The following NXPE2 variants were observed in gnomAD, a reference collection of about 807,000 sequenced individuals.
NXPE2 encodes the protein NXPE family member 2.
In NXPE2, 34 loss-of-function variants were observed where a neutral mutation model predicts 34.4. The observed-to-expected ratio is 0.99, with a 90% CI of 0.75 to 1.31. NXPE2 has a LOEUF of 1.31. Among genes scored for constraint, NXPE2 ranks in the 40% most tolerant of loss-of-function variants. The pLI is 0.00. For synonymous variants in NXPE2, 235 were observed against 231.3 expected, an observed-to-expected ratio of 1.02 and a Z score of -0.15; for missense variants, 649 against 672.5, an observed-to-expected ratio of 0.97 and a Z score of 0.39.
intron 2 of NXPE2, 87 bp from the exon 3 acceptor site, chr11:114,697,958 G>T: frequency 8.3e-7 from 1 of 1,202,668 alleles, no homozygotes; most frequent in Non-Finnish European, 1.1e-6. Context: ...CACACTGAAA[G>T]ATGTAAAATA....
chr11:114,607,720 C>A, the NXPE2 span, among the ~76,000 whole-genome samples: 1 of 151,974 alleles, frequency 6.6e-6, no homozygotes, highest in Non-Finnish European at 1.5e-5. Flanking sequence ...ATAATTGTTG[C>A]CTCGTGGGTA....
At chr11:114,469,374 A>G in the NXPE2 span, among the ~76,000 whole-genome samples, 1 of 150,920 alleles carries the variant, frequency 6.6e-6, no homozygotes, top group Non-Finnish European at 1.5e-5. Flanking sequence ...CAGCCTCCCA[A>G]AGTGCTAGGA....
chr11:114,795,637 C>T, the NXPE2 span, among the ~76,000 whole-genome samples: 1 of 152,216 alleles, frequency 6.6e-6, no homozygotes, highest in South Asian at 2.1e-4. Context: ...TTCATGTCCA[C>T]TCATCAGTTG....
At chr11:114,519,442 C>T in the NXPE2 span, among the ~76,000 whole-genome samples, 1 of 152,260 alleles carries the variant, frequency 6.6e-6, no homozygotes, top group South Asian at 2.1e-4. Flanking sequence ...AGAAGCAAAA[C>T]TTAGTCTCTT....
At chr11:114,747,557 A>C in the NXPE2 span, among the ~76,000 whole-genome samples, 8 of 152,302 alleles carry the variant, frequency 5.3e-5, no homozygotes, top group Non-Finnish European at 1.2e-4. Context: ...GCCTCAGGAA[A>C]CTTATAATCA....
chr11:114,601,251 C>A, the NXPE2 span, among the ~76,000 whole-genome samples: 1 of 150,198 alleles, frequency 6.7e-6, no homozygotes, highest in Non-Finnish European at 1.5e-5. Context: ...TCCCATGCTC[C>A]CTCTTTCTGA....
chr11:114,611,727 C>T, the NXPE2 span, among the ~76,000 whole-genome samples: 1 of 150,860 alleles, frequency 6.6e-6, no homozygotes, highest in Non-Finnish European at 1.5e-5. Context: ...TTGTGGGTCA[C>T]CATTGTTAGC....
chr11:114,611,366 A>G, the NXPE2 span, among the ~76,000 whole-genome samples: 1 of 151,556 alleles, frequency 6.6e-6, no homozygotes, highest in East Asian at 2.0e-4. Flanking sequence ...TACCCGGTGG[A>G]TAATAAGTGT....
At chr11:114,611,874 G>T in the NXPE2 span, among the ~76,000 whole-genome samples, 4 of 150,852 alleles carry the variant, frequency 2.7e-5, no homozygotes, top group East Asian at 2.0e-4. Context: ...TGGTGTATGA[G>T]AAATATTGCC....
the NXPE2 span, among the ~76,000 whole-genome samples, chr11:114,635,081 T>A: frequency 1.0e-3 from 152 of 152,002 alleles, 1 homozygote; most frequent in Admixed American, 8.3e-3. Flanking sequence ...CGATATTGAT[T>A]CTTCCTACCC....
the NXPE2 span, among the ~76,000 whole-genome samples, chr11:114,764,204 A>G: frequency 6.6e-6 from 1 of 152,154 alleles, no homozygotes; most frequent in Non-Finnish European, 1.5e-5. Context: ...TGAGATCATA[A>G]ATGGGGGTTT....
chr11:114,744,763 A>G, the NXPE2 span, among the ~76,000 whole-genome samples: 1 of 152,176 alleles, frequency 6.6e-6, no homozygotes, highest in Non-Finnish European at 1.5e-5. Context: ...TGTTTGCACC[A>G]CTGCACTCCA....
the NXPE2 span, among the ~76,000 whole-genome samples, chr11:114,557,723 C>A: frequency 1.4e-5 from 2 of 142,562 alleles, no homozygotes; most frequent in African/African-American, 5.1e-5. Flanking sequence ...CTTTTTCATT[C>A]TTCTTTGCCG....
chr11:114,671,886 T>C, the NXPE2 span, among the ~76,000 whole-genome samples: 1 of 152,170 alleles, frequency 6.6e-6, no homozygotes, highest in South Asian at 2.1e-4. Context: ...CTCACACTGC[T>C]ATAAAGACAT....
At chr11:114,487,276 T>G in the NXPE2 span, among the ~76,000 whole-genome samples, 1 of 152,154 alleles carries the variant, frequency 6.6e-6, no homozygotes, top group Non-Finnish European at 1.5e-5. Context: ...AATTACTTCC[T>G]TGATTTCTTT....
chr11:114,645,641 C>T, the NXPE2 span, among the ~76,000 whole-genome samples: 210 of 151,962 alleles, frequency 1.4e-3, no homozygotes, highest in African/African-American at 4.8e-3. Context: ...GTATTTGTGT[C>T]CAAAGTTAGC....
At chr11:114,787,631 GA>G in the NXPE2 span, among the ~76,000 whole-genome samples, 1 of 152,144 alleles carries the variant, frequency 6.6e-6, no homozygotes, top group Non-Finnish European at 1.5e-5. Flanking sequence ...AGGAGGGACT[GA>G]AAAGCATTAG....
the NXPE2 span, among the ~76,000 whole-genome samples, chr11:114,806,683 G>A: frequency 6.6e-6 from 1 of 152,014 alleles, no homozygotes; most frequent in Admixed American, 6.6e-5. Context: ...AAGAAATATG[G>A]GACTATGTGA....
At chr11:114,580,036 G>GA in the NXPE2 span, 4 of 1,096,584 alleles carry the variant, frequency 3.6e-6, no homozygotes, top group Admixed American at 3.9e-5. Context: ...TGAAGAATAT[G>GA]AAAAAAAGAG....
Sources: gnomAD v4.1 joint callset for allele counts (sites outside exome capture counted in the v4.1 genomes callset) on GRCh38, gnomAD v4.1.1 for gene constraint, MANE v1.5 for transcripts, NCBI Gene and HGNC (gene_info 2026-07-23, HGNC 2026-07-21) for gene names.